FAM168B: variants seen among roughly 807,000 people sequenced by gnomAD.
FAM168B encodes myelin-associated neurite-outgrowth inhibitor.
FAM168B carries 19 observed loss-of-function variants against 21.8 expected under a neutral mutation model. The ratio of observed to expected loss-of-function variants is 0.87; its 90% CI spans 0.61 to 1.28. The LOEUF is 1.28. Ranked by LOEUF, FAM168B falls within the 50% of genes most tolerant of loss-of-function variation. The pLI, the probability that FAM168B is intolerant of heterozygous loss-of-function variation, is 0.00. For missense variants in FAM168B, 233 were observed against 263.1 expected, an observed-to-expected ratio of 0.89 and a Z score of 0.79; for synonymous variants, 126 against 104.8, an observed-to-expected ratio of 1.20 and a Z score of -1.24.
At chr2:131,067,028 C>T (rs866241116) in intron 3 of FAM168B, among the ~76,000 whole-genome samples, 6 of 152,238 alleles carry the variant, frequency 3.9e-5, no homozygotes, top group South Asian at 2.1e-4. Flanking sequence ...CATCAGATCT[C>T]GTGAGACTTA....
chr2:131,063,111 T>A (rs1265050536), intron 3 of FAM168B, among the ~76,000 whole-genome samples: 4 of 152,168 alleles, frequency 2.6e-5, no homozygotes. Context: ...TAGCAGTCCA[T>A]ATATAGGTGA....
In FAM168B at chr2:131,050,187, G is replaced by A; in HGVS notation, c.*2278C>T. 2 of 985,460 alleles carry A rather than the reference G, an allele frequency of 2.0e-6. No individual in the cohort carries two copies. The highest frequency in any genetic ancestry group is 1.7e-5 in the African/African-American group (1 of 57,358). The allele number at this position is 985,460 out of a possible 1,614,324, so 61.0% of individuals were successfully genotyped here. ...CCTGTGTGTGCCAAGTACCAAGCAA[G>A]CCTGAAGAGATGCCTGTAACTTCTA... On this transcript the variant is annotated 3_prime_UTR_variant, in exon 7 of 7. Coordinates refer to ENST00000389915, the MANE Select transcript of FAM168B (RefSeq NM_001009993.4).
At chr2:131,054,996 TA>T (rs1228953665) in intron 5 of FAM168B, among the ~76,000 whole-genome samples, 1 of 151,940 alleles carries the variant, frequency 6.6e-6, no homozygotes, top group Non-Finnish European at 1.5e-5. Flanking sequence ...TACATGGTCA[TA>T]GGGGGTGGGA....
Position 131,055,412 on chromosome 2 carries a change from G to A in FAM168B, c.335C>T (p.Pro112Leu). 1 of 1,608,966 alleles carries A rather than the reference G, an allele frequency of 6.2e-7. No individual in the cohort carries two copies. Among genetic ancestry groups the A allele is most frequent in the Admixed American group, 1.7e-5 (1 of 58,300 alleles). The change falls in exon 5 of 7, where the codon CCT becomes CTT. Residue 112 changes from proline (P) to leucine (L), a missense_variant. Coordinates refer to ENST00000389915, the MANE Select transcript of FAM168B (RefSeq NM_001009993.4). ...CGTGGTGTGGTGGATGACGTGAGGA[G>A]GTGCTGCATACAGCGGCTGTGTGTA... Reference protein sequence around the residue: ...TYYTQPLYAAPPHVIHHTTVV... With the variant: ...TYYTQPLYAALPHVIHHTTVV...
intron 3 of FAM168B, among the ~76,000 whole-genome samples, chr2:131,058,224 G>A (rs1189398802): frequency 6.6e-6 from 1 of 152,194 alleles, no homozygotes; most frequent in African/African-American, 2.4e-5. Flanking sequence ...TTTGTTTGGG[G>A]TGCCAGTGCA....
rs537203099 is a variant in FAM168B at position 131,092,124 on chromosome 2, A to C, written c.-12+1090T>G. The stretch of plus-strand genomic sequence containing the variant: ...GCGCCACTGCACTCCAGTCTGGGAA[A>C]CAGAGGGAGACTCCGTCTCAAAAAA... On this transcript the variant is annotated intron_variant, in intron 1 of 6. Coordinates refer to ENST00000389915, the MANE Select transcript of FAM168B (RefSeq NM_001009993.4). 6.0e-4 allele frequency among the ~76,000 whole-genome samples: 91 copies of C among 151,886 alleles called. 1 individual carries two copies. Among genetic ancestry groups the C allele is most frequent in the Non-Finnish European group, 2.9e-5 (2 of 67,922 alleles).
rs143594416 is a variant in FAM168B, at chr2:131,088,427, C to A, written c.-12+4787G>T. Among the ~76,000 whole-genome samples, 108 of 148,722 alleles carry A rather than the reference C, an allele frequency of 7.3e-4. 2 individuals carry two copies. The East Asian group carries it at 0.021, about 29-fold the overall frequency. ...AGGCAATGGTGGGGGGAAAAGGGGG[C>A]GGGAGAGGAGGAAGGCCAGATAATT... On this transcript the variant is annotated intron_variant, in intron 1 of 6. Transcript: ENST00000389915.
intron 1 of FAM168B, among the ~76,000 whole-genome samples, 176 bp downstream of exon 1, chr2:131,093,038 G>A (rs1301146902): frequency 6.6e-6 from 1 of 151,536 alleles, no homozygotes; most frequent in Non-Finnish European, 1.5e-5. Flanking sequence ...GTCCGGCCGA[G>A]CTCCGCCCCC....
intron 2 of FAM168B, among the ~76,000 whole-genome samples, chr2:131,080,374 A>C (rs1364269460): frequency 1.3e-5 from 2 of 151,684 alleles, no homozygotes; most frequent in Non-Finnish European, 2.9e-5. Context: ...AGAGGGGCTC[A>C]CGCTTATAAT....
intron 2 of FAM168B, among the ~76,000 whole-genome samples, chr2:131,073,640 C>G (rs767043828): frequency 6.6e-6 from 1 of 152,172 alleles, no homozygotes; most frequent in South Asian, 2.1e-4. Context: ...AAAGCCCTCA[C>G]GAGATGCCAT....
chr2:131,075,319 T>C (rs1416217913), intron 2 of FAM168B, among the ~76,000 whole-genome samples: 2 of 151,688 alleles, frequency 1.3e-5, no homozygotes, highest in African/African-American at 2.4e-5. Flanking sequence ...CTAGATCATA[T>C]CCTGTAGGCC....
In FAM168B at chr2:131,082,596, G is replaced by T; in HGVS notation, c.51C>A (p.Ala17=). The T allele has an allele frequency of 6.2e-7, 1 of 1,608,104 alleles. No individual in the cohort carries two copies. Among genetic ancestry groups the T allele is most frequent in the South Asian group, 1.1e-5 (1 of 89,632 alleles). ...ACTTACCTGGATAACCAATTCCTTT[G>T]GCATTTGCATAGGGAACCCCAGAAG... is the stretch of plus-strand genomic sequence containing the variant. ...PGSSGVPYAN[A]KGIGYPAGFP... Residue 17 remains alanine, a synonymous_variant, in exon 2 of 7, where the codon GCC becomes GCA. Transcript: ENST00000389915.
At chr2:131,066,991 G>A (rs1384382718) in intron 3 of FAM168B, among the ~76,000 whole-genome samples, 1 of 152,186 alleles carries the variant, frequency 6.6e-6, no homozygotes, top group Admixed American at 6.5e-5. Flanking sequence ...GAGCAAACGT[G>A]TGCAGGGGAA....
intron 1 of FAM168B, among the ~76,000 whole-genome samples, chr2:131,082,945 G>A (rs1693493636): frequency 6.6e-6 from 1 of 152,170 alleles, no homozygotes; most frequent in South Asian, 2.1e-4. Flanking sequence ...GAAAGGCCAG[G>A]TACGGTGGTG....
intron 1 of FAM168B, among the ~76,000 whole-genome samples, chr2:131,086,362 T>C (rs549559180): frequency 6.7e-6 from 1 of 150,334 alleles, no homozygotes; most frequent in South Asian, 2.1e-4. Context: ...CTCTTCTGAG[T>C]TTTACAATCT....
In FAM168B at chr2:131,058,190, G is replaced by A. The variant is rs141563534; in HGVS notation, c.155-2495C>T. Among the ~76,000 whole-genome samples, 186 of 152,230 alleles carry A rather than the reference G, an allele frequency of 1.2e-3. 1 individual carries two copies. The highest frequency in any genetic ancestry group is 4.1e-3 in the African/African-American group (171 of 41,560). On this transcript the variant is annotated intron_variant, in intron 3 of 6. Coordinates refer to ENST00000389915, the MANE Select transcript of FAM168B (RefSeq NM_001009993.4). Reference sequence around the variant, plus strand: ...AGGGAAAGAGAATGATTGGCCCCCTGGGAAATTCACTAGTCTGGGGCCTTT... The same window carrying A: ...AGGGAAAGAGAATGATTGGCCCCCTAGGAAATTCACTAGTCTGGGGCCTTT...
chr2:131,065,622 TCTA>T (rs1372686446), intron 3 of FAM168B, among the ~76,000 whole-genome samples: 3 of 151,808 alleles, frequency 2.0e-5, no homozygotes, highest in Non-Finnish European at 4.4e-5. Flanking sequence ...AAACCCCGTC[TCTA>T]CTAACAATAC....
chr2:131,084,474 AC>A (rs1693583548), intron 1 of FAM168B, among the ~76,000 whole-genome samples: 1 of 152,068 alleles, frequency 6.6e-6, no homozygotes, highest in South Asian at 2.1e-4. Context: ...AGATGGGACT[AC>A]AGGTGTGTGC....
chr2:131,092,221 A>G (rs1408373657), intron 1 of FAM168B, among the ~76,000 whole-genome samples: 1 of 152,124 alleles, frequency 6.6e-6, no homozygotes, highest in East Asian at 1.9e-4. Context: ...TTCCCTTTAA[A>G]CTACGGAACT....
Sources: allele counts gnomAD v4.1 joint callset (sites outside exome capture counted in the v4.1 genomes callset), GRCh38; gene constraint gnomAD v4.1.1; transcripts MANE v1.5; gene names NCBI Gene and HGNC (gene_info 2026-07-23, HGNC 2026-07-21).